Variants in VAV2 observed in about 807,000 individuals in gnomAD.
VAV2 encodes vav guanine nucleotide exchange factor 2.
Under a neutral mutation model 132.5 loss-of-function variants are expected in VAV2, and 67 were observed. The observed-to-expected ratio is 0.51, with a 90% CI of 0.42 to 0.62. The LOEUF is 0.62. Among genes scored for constraint, VAV2 ranks in the 20% least tolerant of loss-of-function variants. The probability of loss-of-function intolerance (pLI) is 0.00; values close to 1 mark genes in which losing one functional copy is unlikely to be tolerated. For synonymous variants in VAV2, 492 were observed against 443.5 expected, an observed-to-expected ratio of 1.11 and a Z score of -1.37; for missense variants, 938 against 1,153.6, an observed-to-expected ratio of 0.81 and a Z score of 2.71.
At chr9:133,891,757 A>G (rs957512387) in intron 2 of VAV2, among the ~76,000 whole-genome samples, 1 of 32,132 alleles carries the variant, frequency 3.1e-5, no homozygotes, top group Non-Finnish European at 5.8e-5. Flanking sequence ...AGAGGCAGGG[A>G]GGGGGAGCGA....
chr9:133,797,695 C>T lies in VAV2; in HGVS notation c.936+15G>A, dbSNP rs745941645. ...CTTGGAGCCAGGGCCAGGGCCAACGCCTGGCAGGACTTACCTCGACTTTCT... is the reference window on the plus strand; with the variant it reads ...CTTGGAGCCAGGGCCAGGGCCAACGTCTGGCAGGACTTACCTCGACTTTCT... On this transcript the variant is annotated intron_variant, in intron 10 of 29. Transcript: ENST00000371850. The T allele has an allele frequency of 6.2e-7, 1 of 1,610,806 alleles. No homozygotes were observed. Among genetic ancestry groups the T allele is most frequent in the South Asian group, 1.1e-5 (1 of 90,222 alleles).
intron 10 of VAV2, among the ~76,000 whole-genome samples, chr9:133,796,887 T>TC (rs941838925): frequency 1.1e-4 from 16 of 152,066 alleles, no homozygotes; most frequent in African/African-American, 3.9e-4. Context: ...CAGCAGGCCA[T>TC]CCCCCATTCA....
chr9:133,852,853 C>T (rs1328822850), intron 3 of VAV2, among the ~76,000 whole-genome samples: 1 of 152,066 alleles, frequency 6.6e-6, no homozygotes, highest in African/African-American at 2.4e-5. Context: ...GGTGGGGGCA[C>T]AGCCCCTGCT....
At chr9:133,764,492 T>C (rs1279120401) in intron 29 of VAV2, among the ~76,000 whole-genome samples, 1 of 152,122 alleles carries the variant, frequency 6.6e-6, no homozygotes. Context: ...GGTATTGAGG[T>C]CATCTGTCAG....
chr9:133,922,022 G>A (rs1407688627), intron 2 of VAV2, among the ~76,000 whole-genome samples: 1 of 152,264 alleles, frequency 6.6e-6, no homozygotes, highest in Admixed American at 6.5e-5. Flanking sequence ...TGTTTGGCTG[G>A]TGCAGACGCC....
intron 3 of VAV2, among the ~76,000 whole-genome samples, chr9:133,836,010 G>C (rs539671003): frequency 6.6e-6 from 1 of 152,206 alleles, no homozygotes; most frequent in Non-Finnish European, 1.5e-5. Flanking sequence ...CAGTTGAGGT[G>C]TGTGTCCCTG....
At position 133,810,077 on chromosome 9, in the gene VAV2, T is replaced by C. The variant is rs28460539; in HGVS notation, c.567+114A>G. ...GCCTGAAGTCATGTGTGCCTGACCATGTCTTCCTGGGGGCAGGGTCCCGAG... is the reference window on the plus strand; with the variant it reads ...GCCTGAAGTCATGTGTGCCTGACCACGTCTTCCTGGGGGCAGGGTCCCGAG... On this transcript the variant is annotated intron_variant, in intron 6 of 29. Coordinates refer to ENST00000371850, the MANE Select transcript of VAV2 (RefSeq NM_001134398.2). 5.5e-3 allele frequency: 8,157 copies of C among 1,477,012 alleles called. 376 individuals are homozygous for C. In the African/African-American group the frequency reaches 0.099, roughly 18 times the overall value. The allele number at this position is 1,477,012 out of a possible 1,614,324, so 91.5% of individuals were successfully genotyped here. A position where few individuals can be genotyped will look rare whatever the true frequency, so the allele number is the denominator to read the frequency against.
chr9:133,872,636 C>T lies in VAV2; in HGVS notation c.322-11204G>A, dbSNP rs540997900. Among the ~76,000 whole-genome samples the T allele has an allele frequency of 3.9e-5, 6 of 152,212 alleles. No individual in the cohort carries two copies. In the East Asian group the frequency reaches 5.8e-4, roughly 15 times the overall value. On this transcript the variant is annotated intron_variant, in intron 2 of 29. Transcript: ENST00000371850. ...GAGTCGCTTTGTGCACCTTGGGACCCGGGGAGAGAAGAGGCTGGAAGGGAG... is the reference window on the plus strand; with the variant it reads ...GAGTCGCTTTGTGCACCTTGGGACCTGGGGAGAGAAGAGGCTGGAAGGGAG...
intron 29 of VAV2, 49 bp from the exon 30 acceptor site, chr9:133,764,158 G>A: frequency 6.2e-7 from 1 of 1,609,298 alleles, no homozygotes; most frequent in Non-Finnish European, 8.5e-7. Flanking sequence ...GTGTGTGTAA[G>A]CAGGTGTGTG....
intron 1 of VAV2, among the ~76,000 whole-genome samples, chr9:133,955,953 G>A (rs1012888330): frequency 6.0e-5 from 9 of 150,472 alleles, no homozygotes; most frequent in African/African-American, 2.2e-4. Flanking sequence ...GGAGGCCCCC[G>A]CTCCGGGGAG....
At chr9:133,877,576 A>G (rs190783573) in intron 2 of VAV2, among the ~76,000 whole-genome samples, 3 of 152,328 alleles carry the variant, frequency 2.0e-5, no homozygotes, top group African/African-American at 7.2e-5. Context: ...TGCACACATC[A>G]GCTAGATGGT....
intron 26 of VAV2, among the ~76,000 whole-genome samples, chr9:133,771,385 G>T (rs970599606): frequency 6.6e-5 from 10 of 152,110 alleles, no homozygotes; most frequent in African/African-American, 2.4e-4. Flanking sequence ...ATTTCTGCTT[G>T]ACCTTGTGCT....
intron 3 of VAV2, among the ~76,000 whole-genome samples, chr9:133,841,279 C>A (rs572824597): frequency 1.4e-4 from 21 of 151,660 alleles, no homozygotes; most frequent in Non-Finnish European, 2.5e-4. Flanking sequence ...GCTGGGCCCC[C>A]ACACCACCAC....
Position 133,834,830 on chromosome 9 carries a change from AG to A in VAV2, c.381-491del, listed in dbSNP as rs1021933658. On this transcript the variant is annotated intron_variant, in intron 3 of 29. Coordinates refer to ENST00000371850, the MANE Select transcript of VAV2 (RefSeq NM_001134398.2). The surrounding 1 kb of genome is among the most constrained non-coding windows in gnomAD (Gnocchi z 5.9). ...GGGTGACTTCTGAGGCACTGAGGGT[AG>A]GGGCTCACCCACGCCACCCACCAGC... is the stretch of plus-strand genomic sequence containing the variant. Among the ~76,000 whole-genome samples the A allele has an allele frequency of 3.9e-5, 6 of 152,260 alleles. No individual in the cohort carries two copies. The highest frequency in any genetic ancestry group is 7.4e-5 in the Non-Finnish European group (5 of 67,988).
At chr9:133,946,380 C>A (rs1027471771) in intron 1 of VAV2, among the ~76,000 whole-genome samples, 3 of 152,208 alleles carry the variant, frequency 2.0e-5, no homozygotes, top group African/African-American at 7.2e-5. Flanking sequence ...GGCACCACAG[C>A]CCTGAAAGCA....
chr9:133,963,219 C>T (rs1185405270), intron 1 of VAV2, among the ~76,000 whole-genome samples: 1 of 152,128 alleles, frequency 6.6e-6, no homozygotes, highest in African/African-American at 2.4e-5. Context: ...AGACAGTATT[C>T]CTCTAGTAAG....
At chr9:133,977,039 G>A (rs1316063251) in intron 1 of VAV2, among the ~76,000 whole-genome samples, 5 of 152,198 alleles carry the variant, frequency 3.3e-5, no homozygotes, top group Admixed American at 1.3e-4. Flanking sequence ...AGAGGGGAGC[G>A]ACCACGCAGC....
intron 1 of VAV2, among the ~76,000 whole-genome samples, chr9:133,947,470 C>A (rs964922200): frequency 1.3e-5 from 2 of 152,096 alleles, no homozygotes; most frequent in Non-Finnish European, 2.9e-5. Flanking sequence ...GAGGCCAAGG[C>A]GGGTGGATCA....
At chr9:133,778,250 T>A (rs1458138946) in intron 22 of VAV2, among the ~76,000 whole-genome samples, 5 of 152,144 alleles carry the variant, frequency 3.3e-5, no homozygotes, top group African/African-American at 1.2e-4. Flanking sequence ...GAGCAGCACA[T>A]TCCTGGCTCA....
Sources: allele counts gnomAD v4.1 joint callset (sites outside exome capture counted in the v4.1 genomes callset), GRCh38; gene constraint gnomAD v4.1.1; non-coding constraint Gnocchi (gnomAD v3.1); transcripts MANE v1.5; gene names NCBI Gene and HGNC (gene_info 2026-07-23, HGNC 2026-07-21).